ZNF836: variants seen among roughly 807,000 people sequenced by gnomAD.
ZNF836 encodes zinc finger protein 836.
In ZNF836, 12 loss-of-function variants were observed where a neutral mutation model predicts 7.4. The observed-to-expected ratio is 1.61, with a 90% CI of 1.03 to 2.61. The LOEUF is 2.61. ZNF836 is among the 30% of genes most tolerant of loss of function. The pLI is 0.00. For missense variants in ZNF836, 998 were observed against 1,126.2 expected (o/e 0.89, Z 1.63); for synonymous variants, 365 against 382.6 (o/e 0.95, Z 0.54).
Position 52,160,592 on chromosome 19 carries a change from C to G in ZNF836, c.16-1G>C, listed in dbSNP as rs765907886. 1 of 1,602,030 alleles carries G rather than the reference C, an allele frequency of 6.2e-7. No homozygotes were observed. Among genetic ancestry groups the G allele is most frequent in the Non-Finnish European group, 8.5e-7 (1 of 1,176,918 alleles). On this transcript the variant is annotated splice_acceptor_variant, in intron 3 of 4. Coordinates refer to ENST00000682614, the MANE Select transcript of ZNF836 (RefSeq NM_001102657.3). LOFTEE classifies it high-confidence loss of function. Reference sequence around the variant, plus strand: ...CTACATCCCTGAATGTCAAAGGTCCCTGAAATGAAAAACACATTTCAACAT... The same window carrying G: ...CTACATCCCTGAATGTCAAAGGTCCGTGAAATGAAAAACACATTTCAACAT...
Position 52,157,278 on chromosome 19 carries a change from T to C in ZNF836, c.405A>G (p.Lys135=). ...TTAATGTAAGCTGATTTTCAATACATTTGTTTTCTACATCCTCTTGACTAT... is the reference window on the plus strand; with the variant it reads ...TTAATGTAAGCTGATTTTCAATACACTTGTTTTCTACATCCTCTTGACTAT... ...GQHSQEDVEN[K]CIENQLTLSF... Residue 135 remains lysine, a synonymous_variant, in exon 5 of 5, where the codon AAA becomes AAG. Coordinates refer to ENST00000682614, the MANE Select transcript of ZNF836 (RefSeq NM_001102657.3). 1 of 1,605,840 alleles carries C rather than the reference T, an allele frequency of 6.2e-7. No individual in the cohort carries two copies. The highest frequency in any genetic ancestry group is 8.5e-7 in the Non-Finnish European group (1 of 1,174,988).
intron 4 of ZNF836, among the ~76,000 whole-genome samples, chr19:52,159,035 T>C (rs1600139748): frequency 6.6e-6 from 1 of 152,288 alleles, no homozygotes; most frequent in East Asian, 1.9e-4. Flanking sequence ...GAGTTAGTCA[T>C]GATACACCAG....
rs561242446 is a variant in ZNF836, at chr19:52,163,062, C to T, written c.16-2471G>A. On this transcript the variant is annotated intron_variant, in intron 3 of 4. Transcript: ENST00000682614. ...TCACAGACCTGAGGTATCAGAGTTC[C>T]GAGGTCCGAAGGGCACCCTGGGCCA... Among the ~76,000 whole-genome samples, 6 of 152,238 alleles carry T rather than the reference C, an allele frequency of 3.9e-5. No individual in the cohort carries two copies. The East Asian group carries it at 5.8e-4, about 15-fold the overall frequency.
intron 4 of ZNF836, among the ~76,000 whole-genome samples, chr19:52,157,790 C>T (rs1287147741): frequency 3.9e-5 from 6 of 152,054 alleles, no homozygotes; most frequent in South Asian, 2.1e-4. Flanking sequence ...AGGCTGGTCT[C>T]GAACTCCTGA....
At chr19:52,162,879 AT>A (rs1295972571) in intron 3 of ZNF836, among the ~76,000 whole-genome samples, 4 of 152,158 alleles carry the variant, frequency 2.6e-5, no homozygotes. Flanking sequence ...TTGCTGTTTG[AT>A]CATATAGCCT....
rs908373343 is a variant in ZNF836 at position 52,154,330 on chromosome 19, A to G, written c.*542T>C. 6.6e-6 allele frequency among the ~76,000 whole-genome samples: 1 copy of G among 152,090 alleles called. No individual in the cohort carries two copies. Among genetic ancestry groups the G allele is most frequent in the Admixed American group, 6.6e-5 (1 of 15,256 alleles). Reference sequence around the variant, plus strand: ...CTCCCTAAATGCTGGGATTACAGGCATGACCCACCATGCCTAACGTGCCAT... The same window carrying G: ...CTCCCTAAATGCTGGGATTACAGGCGTGACCCACCATGCCTAACGTGCCAT... On this transcript the variant is annotated 3_prime_UTR_variant, in exon 5 of 5. Coordinates refer to ENST00000682614, the MANE Select transcript of ZNF836 (RefSeq NM_001102657.3).
At position 52,154,349 on chromosome 19, in the gene ZNF836, G is replaced by A. The variant is rs962108862; in HGVS notation, c.*523C>T. 1.3e-5 allele frequency among the ~76,000 whole-genome samples: 2 copies of A among 151,972 alleles called. No individual in the cohort carries two copies. The highest frequency in any genetic ancestry group is 6.6e-5 in the Admixed American group (1 of 15,252). ...ACAGGCATGACCCACCATGCCTAACGTGCCATACACTTTTAACCAACAAGA... is the reference window on the plus strand; with the variant it reads ...ACAGGCATGACCCACCATGCCTAACATGCCATACACTTTTAACCAACAAGA... On this transcript the variant is annotated 3_prime_UTR_variant, in exon 5 of 5. Transcript: ENST00000682614.
chr19:52,168,439 T>G (rs768125627), intron 2 of ZNF836, among the ~76,000 whole-genome samples: 1 of 151,910 alleles, frequency 6.6e-6, no homozygotes, highest in African/African-American at 2.4e-5. Context: ...AATACAAAAA[T>G]TAGCCGGGTG....
At chr19:52,160,427 A>AG (rs766259020) in intron 4 of ZNF836, 38 bp downstream of exon 4, 1 of 1,613,808 alleles carries the variant, frequency 6.2e-7, no homozygotes, top group Non-Finnish European at 8.5e-7. Flanking sequence ...AAAATACACG[A>AG]GGGCAGATCT....
chr19:52,165,442 A>G (rs1389693429), intron 3 of ZNF836: 1 of 152,270 alleles, frequency 6.6e-6, no homozygotes, highest in Non-Finnish European at 1.5e-5. Context: ...AAAAATATGT[A>G]CACTTCAAAA....
chr19:52,156,781 G>T lies in ZNF836; in HGVS notation c.902C>A (p.Pro301Gln). Residue 301 changes from proline (P) to glutamine (Q), a missense_variant, in exon 5 of 5, where the codon CCG becomes CAG. Physicochemically the swap from Pro to Gln is moderately conservative, Grantham distance 76. Transcript: ENST00000682614. ...NHRRSHTGEK[P>Q]YKCNECGKSF... ...CTTGCCACATTCATTACATTTGTAC[G>T]GTTTCTCTCCAGTGTGACTTCTCCG... The T allele has an allele frequency of 6.2e-7, 1 of 1,614,072 alleles. No individual in the cohort carries two copies. The highest frequency in any genetic ancestry group is 8.5e-7 in the Non-Finnish European group (1 of 1,180,002).
intron 2 of ZNF836, among the ~76,000 whole-genome samples, chr19:52,168,603 T>C (rs1319492023): frequency 1.3e-5 from 2 of 151,736 alleles, no homozygotes; most frequent in African/African-American, 4.8e-5. Context: ...AATAAATCAA[T>C]CAATAAAAAT....
intron 3 of ZNF836, among the ~76,000 whole-genome samples, chr19:52,163,022 T>C (rs1051381907): frequency 1.3e-5 from 2 of 152,106 alleles, no homozygotes; most frequent in Non-Finnish European, 2.9e-5. Flanking sequence ...GGACCTCTGC[T>C]CTGAAATACA....
chr19:52,157,408 T>A lies in ZNF836; in HGVS notation c.275A>T (p.Gln92Leu). The A allele has an allele frequency of 6.2e-7, 1 of 1,607,808 alleles. No individual in the cohort carries two copies. Among genetic ancestry groups the A allele is most frequent in the Non-Finnish European group, 8.5e-7 (1 of 1,178,498 alleles). Residue 92 changes from glutamine to leucine, a missense_variant, in exon 5 of 5, where the codon CAG (glutamine) becomes CTG (leucine). Gln to Leu is a moderately radical substitution (Grantham distance 113). Transcript: ENST00000682614. Reference protein sequence around the residue: ...DVENFYLREIQKNLQDLEFQW... With the variant: ...DVENFYLREILKNLQDLEFQW... ...AAACTCAAGGTCCTGTAGATTTTTC[T>A]GGATTTCCCTTAAGTAAAAATTTTC...
In ZNF836 at chr19:52,157,563, G is replaced by A. The variant is rs1168549988; in HGVS notation, c.143-23C>T. 3.4e-6 allele frequency: 5 copies of A among 1,455,982 alleles called. No homozygotes were observed. The East Asian group carries it at 1.2e-4, about 36-fold the overall frequency. 90.2% of individuals were successfully genotyped at this position (1,455,982 alleles called of 1,614,324 possible). A position where few individuals can be genotyped will look rare whatever the true frequency, so the allele number is the denominator to read the frequency against. On this transcript the variant is annotated intron_variant, in intron 4 of 4. Coordinates refer to ENST00000682614, the MANE Select transcript of ZNF836 (RefSeq NM_001102657.3). ...TACCTACAAAATATAATGAACATGG[G>A]AGTTTTTTCGTTGGTTTTTTTTTTT...
intron 1 of ZNF836, 151 bp downstream of exon 1, chr19:52,171,185 G>C (rs2089304844): frequency 6.6e-6 from 1 of 152,374 alleles, no homozygotes; most frequent in Non-Finnish European, 1.5e-5. Context: ...ACTCGACTTG[G>C]CGCAGGGCCG....
Position 52,160,534 on chromosome 19 carries a change from G to A in ZNF836, c.73C>T (p.Leu25=), listed in dbSNP as rs2089204097. ...IEFSQEEWKS[L]DPVQKALYWD... Reference sequence around the variant, plus strand: ...TACAAAGCTTTCTGCACAGGGTCCAGGGATTTCCACTCCTCCTGAGAGAAT... The same window carrying A: ...TACAAAGCTTTCTGCACAGGGTCCAAGGATTTCCACTCCTCCTGAGAGAAT... The change falls in exon 4 of 5, where the codon CTG becomes TTG. Residue 25 remains leucine, a synonymous_variant. Transcript: ENST00000682614. 6.2e-7 allele frequency: 1 copy of A among 1,613,966 alleles called. No individual in the cohort carries two copies. Among genetic ancestry groups the A allele is most frequent in the African/African-American group, 1.3e-5 (1 of 75,016 alleles).
intron 1 of ZNF836, among the ~76,000 whole-genome samples, chr19:52,170,020 G>A (rs1211457879): frequency 6.6e-6 from 1 of 151,892 alleles, no homozygotes; most frequent in Non-Finnish European, 1.5e-5. Context: ...TCATCCTCAC[G>A]AGTACAATTT....
chr19:52,165,699 G>C (rs1439172637), intron 3 of ZNF836, among the ~76,000 whole-genome samples: 1 of 152,128 alleles, frequency 6.6e-6, no homozygotes, highest in Non-Finnish European at 1.5e-5. Context: ...TGCTTTGCTA[G>C]ATCTGGCAAG....
Sources: allele counts gnomAD v4.1 joint callset (sites outside exome capture counted in the v4.1 genomes callset), GRCh38; gene constraint gnomAD v4.1.1; transcripts MANE v1.5; gene names NCBI Gene and HGNC (gene_info 2026-07-23, HGNC 2026-07-21).